Variants in PDE4D observed in about 807,000 individuals in gnomAD.
PDE4D encodes the protein phosphodiesterase 4D, also known as 3',5'-cyclic-AMP phosphodiesterase 4D.
Under a neutral mutation model 87.4 loss-of-function variants are expected in PDE4D, and 24 were observed. The ratio of observed to expected loss-of-function variants is 0.27; its 90% CI spans 0.20 to 0.39. The LOEUF (loss-of-function observed/expected upper bound fraction) is 0.39, where lower values mean the gene tolerates loss of function less well. Ranked by LOEUF, PDE4D falls within the 10% of genes least tolerant of loss-of-function variation. The probability of loss-of-function intolerance (pLI) is 1.00; values close to 1 mark genes in which losing one functional copy is unlikely to be tolerated. For synonymous variants in PDE4D, 384 were observed against 383.2 expected (o/e 1.00, Z -0.02); for missense variants, 714 against 1,041.0 (o/e 0.69, Z 4.32).
intron 1 of PDE4D, among the ~76,000 whole-genome samples, chr5:59,847,797 C>A (rs562068983): frequency 1.5e-4 from 23 of 152,172 alleles, no homozygotes; most frequent in African/African-American, 5.3e-4. Context: ...CATTGGCCTG[C>A]GCCAAGTTAT....
chr5:60,359,652 C>T (rs1252137945), intron 1 of PDE4D, among the ~76,000 whole-genome samples: 1 of 152,214 alleles, frequency 6.6e-6, no homozygotes, highest in African/African-American at 2.4e-5. Context: ...CTCAAAACCT[C>T]TTCACAAGGA....
intron 1 of PDE4D, among the ~76,000 whole-genome samples, chr5:59,530,609 TA>T (rs35842486): frequency 0.29 from 43,185 of 149,618 alleles, 7,458 homozygotes; most frequent in Non-Finnish European, 0.4. Context: ...ACCATATTAT[TA>T]AAAAAAAAAA....
In PDE4D at chr5:59,563,439, C is replaced by T. The variant is rs920472303; in HGVS notation, c.455+329729G>A. On this transcript the variant is annotated intron_variant, in intron 1 of 14. Transcript: ENST00000340635. The stretch of plus-strand genomic sequence containing the variant: ...TAGCCCATGGAAAGATATCCCTAAC[C>T]AGTCATTCAGTTGAGACATAGGGAC... Among the ~76,000 whole-genome samples, 10 of 152,314 alleles carry T rather than the reference C, an allele frequency of 6.6e-5. No individual in the cohort carries two copies. The East Asian group carries it at 9.7e-4, about 15-fold the overall frequency.
intron 1 of PDE4D, among the ~76,000 whole-genome samples, chr5:59,348,435 GC>G (rs5868175): frequency 0.2 from 29,883 of 151,912 alleles, 3,117 homozygotes; most frequent in Middle Eastern, 0.27. Context: ...TACAAATAGT[GC>G]CCTTCCCCTC....
In PDE4D at chr5:59,443,929, G is replaced by A. The variant is rs191792488; in HGVS notation, c.456-227961C>T. Among the ~76,000 whole-genome samples, 732 of 151,288 alleles carry A rather than the reference G, an allele frequency of 4.8e-3. 11 individuals are homozygous for A. Among genetic ancestry groups the A allele is most frequent in the African/African-American group, 0.017 (700 of 40,650 alleles). ...AAATTTTTTTAAAGAGAGAAAACAA[G>A]AGAAATAAATGACTTGTTTAGGGTG... is the stretch of plus-strand genomic sequence containing the variant. On this transcript the variant is annotated intron_variant, in intron 1 of 14. Coordinates refer to ENST00000340635, the MANE Select transcript of PDE4D (RefSeq NM_001104631.2).
chr5:59,058,795 G>A (rs540122069), intron 5 of PDE4D, among the ~76,000 whole-genome samples: 54 of 152,028 alleles, frequency 3.6e-4, no homozygotes, highest in African/African-American at 8.4e-4. Flanking sequence ...AATCACTTCC[G>A]TAAGTTTAAG....
intron 2 of PDE4D, among the ~76,000 whole-genome samples, chr5:59,202,104 A>T (rs1747592890): frequency 7.7e-6 from 1 of 130,080 alleles, no homozygotes; most frequent in Non-Finnish European, 1.5e-5. Flanking sequence ...AGTGGCTGCA[A>T]TCTCGGCTCA....
chr5:60,492,309 A>G (rs1390979801), upstream of PDE4D, among the ~76,000 whole-genome samples: 1 of 152,022 alleles, frequency 6.6e-6, no homozygotes, highest in Non-Finnish European at 1.5e-5. Context: ...ATGGTAGCAC[A>G]CACCTGTAGT....
At chr5:59,463,668 A>G (rs1203566100) in intron 1 of PDE4D, among the ~76,000 whole-genome samples, 1 of 152,208 alleles carries the variant, frequency 6.6e-6, no homozygotes, top group Non-Finnish European at 1.5e-5. Context: ...GATTTCCTTA[A>G]AAAATGTTTC....
intron 5 of PDE4D, among the ~76,000 whole-genome samples, chr5:59,054,586 C>A (rs1762063682): frequency 6.6e-6 from 1 of 150,934 alleles, no homozygotes; most frequent in East Asian, 1.9e-4. Flanking sequence ...ATAAATTAAA[C>A]CAATAAAAAG....
chr5:59,316,205 A>G (rs1479574756), intron 1 of PDE4D, among the ~76,000 whole-genome samples: 2 of 152,190 alleles, frequency 1.3e-5, no homozygotes, highest in African/African-American at 2.4e-5. Flanking sequence ...CTTTGCAATA[A>G]TAAAGGCAGA....
At chr5:59,871,002 A>G (rs1434264266) in intron 1 of PDE4D, among the ~76,000 whole-genome samples, 1 of 152,202 alleles carries the variant, frequency 6.6e-6, no homozygotes, top group African/African-American at 2.4e-5. Flanking sequence ...ATAAACATAG[A>G]ACACGATTGT....
intron 2 of PDE4D, among the ~76,000 whole-genome samples, chr5:60,103,215 A>G (rs114706106): frequency 0.019 from 2,859 of 152,296 alleles, 83 homozygotes; most frequent in African/African-American, 0.066. Context: ...CGACAGCCTA[A>G]GTAAGAGCCT....
At chr5:60,275,607 G>A (rs1176419670) in intron 1 of PDE4D, among the ~76,000 whole-genome samples, 1 of 151,428 alleles carries the variant, frequency 6.6e-6, no homozygotes, top group African/African-American at 2.4e-5. Flanking sequence ...TTTTTTAACA[G>A]AAGCAAGGTT....
chr5:60,499,187 A>G (rs913630249), intron 1 of PDE4D, among the ~76,000 whole-genome samples: 11 of 152,222 alleles, frequency 7.2e-5, no homozygotes, highest in African/African-American at 2.4e-4. Context: ...AAACAACTGG[A>G]TCTGTGTATT....
At chr5:59,477,045 A>T (rs1803395442) in intron 1 of PDE4D, among the ~76,000 whole-genome samples, 1 of 151,910 alleles carries the variant, frequency 6.6e-6, no homozygotes, top group Non-Finnish European at 1.5e-5. Flanking sequence ...GGAACACAAA[A>T]ATGACACAAT....
At chr5:59,059,927 A>G (rs1271304346) in intron 5 of PDE4D, among the ~76,000 whole-genome samples, 1 of 152,148 alleles carries the variant, frequency 6.6e-6, no homozygotes, top group African/African-American at 2.4e-5. Context: ...GTTTTCAAAT[A>G]CCTGTTTTCA....
intron 1 of PDE4D, among the ~76,000 whole-genome samples, chr5:60,453,795 T>C (rs1179071956): frequency 2.0e-5 from 3 of 152,152 alleles, no homozygotes; most frequent in Non-Finnish European, 4.4e-5. Context: ...TTGTTTGTCA[T>C]AGTTCTTACT....
At chr5:59,977,698 G>C (rs1024824344) in intron 3 of PDE4D, among the ~76,000 whole-genome samples, 3 of 152,156 alleles carry the variant, frequency 2.0e-5, no homozygotes, top group African/African-American at 4.8e-5. Flanking sequence ...ATTTTCAGTG[G>C]AGACAAAATA....
Sources: allele counts gnomAD v4.1 joint callset (sites outside exome capture counted in the v4.1 genomes callset), GRCh38; gene constraint gnomAD v4.1.1; transcripts MANE v1.5; gene names NCBI Gene and HGNC (gene_info 2026-07-23, HGNC 2026-07-21).